The following KAZN variants were observed in gnomAD, a reference collection of about 807,000 sequenced individuals.
The protein encoded by KAZN is kazrin, periplakin interacting protein, also known as kazrin.
KAZN carries 40 observed loss-of-function variants against 87.4 expected under a neutral mutation model. The observed-to-expected ratio is 0.46, with a 90% CI of 0.36 to 0.60. The LOEUF (loss-of-function observed/expected upper bound fraction) is 0.60. Among genes scored for constraint, KAZN ranks in the 20% least tolerant of loss-of-function variants. The pLI is 0.00. For synonymous variants in KAZN, 466 were observed against 458.3 expected (o/e 1.02, Z -0.22); for missense variants, 898 against 1,073.9 (o/e 0.84, Z 2.29).
chr1:14,988,501 C>A (rs1667050041), intron 2 of KAZN, among the ~76,000 whole-genome samples: 1 of 152,228 alleles, frequency 6.6e-6, no homozygotes, highest in Non-Finnish European at 1.5e-5. Flanking sequence ...GGCAGCTGCA[C>A]TGAGGGTGAT....
chr1:13,897,215 G>A (rs2100827907), intron 1 of KAZN, among the ~76,000 whole-genome samples: 1 of 152,226 alleles, frequency 6.6e-6, no homozygotes, highest in South Asian at 2.1e-4. Flanking sequence ...AAGTAGTCAT[G>A]AGTGAAACCA....
chr1:14,421,774 C>A (rs982999926), intron 2 of KAZN, among the ~76,000 whole-genome samples: 18 of 152,134 alleles, frequency 1.2e-4, no homozygotes, highest in African/African-American at 4.1e-4. Context: ...CACAAAATTT[C>A]TCTCGGAGTT....
rs772199763 is a variant in KAZN, at chr1:14,581,183, G to A, written c.250-17800G>A. On this transcript the variant is annotated intron_variant, in intron 2 of 16. Coordinates refer to the KAZN transcript ENST00000636203. Reference sequence around the variant, plus strand: ...ACTGTCCACCTGATATTGCCATTTGGATGTCTAACACGCATCTCAAAATCA... The same window carrying A: ...ACTGTCCACCTGATATTGCCATTTGAATGTCTAACACGCATCTCAAAATCA... Among the ~76,000 whole-genome samples, 5 of 152,160 alleles carry A rather than the reference G, an allele frequency of 3.3e-5. No homozygotes were observed. The South Asian group carries it at 8.3e-4, about 25-fold the overall frequency.
At chr1:14,306,340 C>T (rs1457144832) in intron 2 of KAZN, among the ~76,000 whole-genome samples, 7 of 152,172 alleles carry the variant, frequency 4.6e-5, no homozygotes, top group African/African-American at 1.7e-4. Flanking sequence ...GTGGACCACG[C>T]ATGAGCTCAA....
intron 2 of KAZN, among the ~76,000 whole-genome samples, chr1:14,394,586 C>T (rs551653163): frequency 5.9e-5 from 9 of 152,236 alleles, no homozygotes; most frequent in South Asian, 2.1e-4. Context: ...TAGATAGGAT[C>T]GAAGGTAGTT....
chr1:14,135,597 C>A (rs1645091286), intron 1 of KAZN, among the ~76,000 whole-genome samples: 1 of 152,120 alleles, frequency 6.6e-6, no homozygotes, highest in African/African-American at 2.4e-5. Flanking sequence ...CAGAAATTCC[C>A]CTTCAGAGGC....
At chr1:14,889,167 C>A (rs1399743679) in intron 1 of KAZN, among the ~76,000 whole-genome samples, 6 of 152,224 alleles carry the variant, frequency 3.9e-5, no homozygotes, top group Non-Finnish European at 8.8e-5. Context: ...CACACCAATT[C>A]TGTTCTCATT....
At chr1:15,071,546 C>T (rs1223436849) in intron 8 of KAZN, among the ~76,000 whole-genome samples, 1 of 152,186 alleles carries the variant, frequency 6.6e-6, no homozygotes. Flanking sequence ...TGAGCCACCG[C>T]ACCCAGCCTG....
At chr1:14,910,363 G>A (rs956674742) in intron 1 of KAZN, among the ~76,000 whole-genome samples, 2 of 152,172 alleles carry the variant, frequency 1.3e-5, no homozygotes, top group Non-Finnish European at 2.9e-5. Flanking sequence ...CTCAGGATCC[G>A]GTTCCTGGCC....
chr1:14,386,020 A>G (rs1208949244), intron 2 of KAZN, among the ~76,000 whole-genome samples: 1 of 151,954 alleles, frequency 6.6e-6, no homozygotes, highest in African/African-American at 2.4e-5. Flanking sequence ...ATATATTTTT[A>G]GGATAGTTAG....
At chr1:14,954,890 T>C (rs1214918298) in intron 1 of KAZN, among the ~76,000 whole-genome samples, 4 of 152,102 alleles carry the variant, frequency 2.6e-5, no homozygotes, top group Non-Finnish European at 4.4e-5. Context: ...AGGCAGAGCT[T>C]GCAGTGAGCC....
intron 1 of KAZN, among the ~76,000 whole-genome samples, chr1:14,921,867 A>G (rs1021901120): frequency 6.6e-6 from 1 of 151,852 alleles, no homozygotes; most frequent in Non-Finnish European, 1.5e-5. Context: ...GTGTGCCACC[A>G]CTCCCGGCTA....
At chr1:13,895,090 A>T (rs907302860) in intron 1 of KAZN, among the ~76,000 whole-genome samples, 2 of 152,240 alleles carry the variant, frequency 1.3e-5, no homozygotes, top group Non-Finnish European at 2.9e-5. Context: ...ATGTGAAAAC[A>T]TCCTTCTATG....
At chr1:14,257,128 G>A (rs893970643) in intron 2 of KAZN, among the ~76,000 whole-genome samples, 1 of 152,120 alleles carries the variant, frequency 6.6e-6, no homozygotes, top group Non-Finnish European at 1.5e-5. Flanking sequence ...CCTGGATGTA[G>A]TGTATGTCCT....
intron 1 of KAZN, among the ~76,000 whole-genome samples, chr1:14,819,826 A>G (rs898129558): frequency 9.5e-5 from 14 of 147,988 alleles, no homozygotes; most frequent in African/African-American, 3.5e-4. Flanking sequence ...TCCTCCCTCA[A>G]CCTCCCGAGT....
rs117854216 is a variant in KAZN at position 14,789,962 on chromosome 1, G to T, written c.227-170722G>T. On this transcript the variant is annotated intron_variant, in intron 1 of 14. Transcript: ENST00000376030. ...TTGTGGAATATGGTCTCCTATAACT[G>T]AGTCACCATATCTTGGCATTCCTTG... is the stretch of plus-strand genomic sequence containing the variant. 1.3e-3 allele frequency among the ~76,000 whole-genome samples: 200 copies of T among 151,760 alleles called. 2 individuals carry two copies. Among genetic ancestry groups the T allele is most frequent in the East Asian group, 5.2e-3 (27 of 5,164 alleles).
At chr1:14,441,952 T>C (rs1461380654) in intron 2 of KAZN, among the ~76,000 whole-genome samples, 2 of 152,100 alleles carry the variant, frequency 1.3e-5, no homozygotes, top group African/African-American at 4.8e-5. Flanking sequence ...ACCTAAGAAA[T>C]TGAGAGACTA....
At chr1:14,787,216 T>C (rs1171423537) in intron 1 of KAZN, among the ~76,000 whole-genome samples, 3 of 152,234 alleles carry the variant, frequency 2.0e-5, no homozygotes, top group Non-Finnish European at 2.9e-5. Context: ...GCATTGCATT[T>C]CACATGTGCT....
chr1:14,607,905 C>T (rs761006832), intron 1 of KAZN, among the ~76,000 whole-genome samples: 8 of 152,336 alleles, frequency 5.3e-5, no homozygotes, highest in African/African-American at 1.4e-4. Context: ...GAGGCTTTCC[C>T]AGATACTGTG....
Sources: gnomAD v4.1 joint callset for allele counts (sites outside exome capture counted in the v4.1 genomes callset) on GRCh38, gnomAD v4.1.1 for gene constraint, MANE v1.5 for transcripts, NCBI Gene and HGNC (gene_info 2026-07-23, HGNC 2026-07-21) for gene names.